The following XKR9 variants were observed in gnomAD, a reference collection of about 807,000 sequenced individuals.
The protein encoded by XKR9 is XK related 9.
Under a neutral mutation model 32.0 loss-of-function variants are expected in XKR9, and 32 were observed. The ratio of observed to expected loss-of-function variants is 1.00; its 90% confidence interval spans 0.76 to 1.34. XKR9 has a LOEUF of 1.34. XKR9 is among the 40% of genes most tolerant of loss of function. The pLI is 0.00. For synonymous variants in XKR9, 168 were observed against 143.4 expected (o/e 1.17, Z -1.22); for missense variants, 546 against 429.7 (o/e 1.27, Z -2.39).
chr8:71,047,335 T>C, the XKR9 span, among the ~76,000 whole-genome samples: 1 of 152,222 alleles, frequency 6.6e-6, no homozygotes, highest in South Asian at 2.1e-4. Context: ...TATTCCTTAT[T>C]TGCACTCTCT....
the XKR9 span, among the ~76,000 whole-genome samples, chr8:71,041,151 T>C: frequency 6.6e-6 from 1 of 152,148 alleles, no homozygotes; most frequent in Non-Finnish European, 1.5e-5. Context: ...GTTGCTGATA[T>C]CAAGACAACC....
the XKR9 span, among the ~76,000 whole-genome samples, chr8:70,879,696 A>C: frequency 6.6e-6 from 1 of 152,146 alleles, no homozygotes; most frequent in South Asian, 2.1e-4. Flanking sequence ...AAAGCGCAGG[A>C]CCAGATGGAT....
chr8:71,041,045 A>T, the XKR9 span, among the ~76,000 whole-genome samples: 3 of 152,152 alleles, frequency 2.0e-5, no homozygotes, highest in African/African-American at 7.2e-5. Flanking sequence ...CAGTAACAGG[A>T]TATGTTAAAA....
At chr8:70,769,511 G>T (rs1416668592) in intron 2 of XKR9, among the ~76,000 whole-genome samples, 1 of 151,998 alleles carries the variant, frequency 6.6e-6, no homozygotes, top group East Asian at 1.9e-4. Flanking sequence ...AAGTTCTCCT[G>T]GATAATATCC....
the XKR9 span, among the ~76,000 whole-genome samples, chr8:70,834,373 T>A: frequency 6.6e-6 from 1 of 152,128 alleles, no homozygotes; most frequent in Non-Finnish European, 1.5e-5. Flanking sequence ...TGTTTCCATT[T>A]ATTTTAATAT....
intron 2 of XKR9, among the ~76,000 whole-genome samples, chr8:70,788,417 C>T (rs1022638526): frequency 6.6e-6 from 1 of 152,036 alleles, no homozygotes; most frequent in African/African-American, 2.4e-5. Flanking sequence ...ATGGTTGCTA[C>T]CGTTGGGCAG....
the XKR9 span, among the ~76,000 whole-genome samples, chr8:71,033,068 G>A: frequency 6.8e-6 from 1 of 148,000 alleles, no homozygotes; most frequent in Admixed American, 6.7e-5. Context: ...TAGGGACAGG[G>A]CAAGATTACA....
the XKR9 span, among the ~76,000 whole-genome samples, chr8:71,031,525 CAT>C: frequency 6.6e-6 from 1 of 152,152 alleles, no homozygotes; most frequent in Non-Finnish European, 1.5e-5. Flanking sequence ...GAGGATAACT[CAT>C]AAGACTGTTA....
At chr8:70,948,106 C>A in the XKR9 span, among the ~76,000 whole-genome samples, 1 of 152,118 alleles carries the variant, frequency 6.6e-6, no homozygotes, top group Non-Finnish European at 1.5e-5. Flanking sequence ...TGCCCACCCC[C>A]ACCCTGCCCC....
the XKR9 span, among the ~76,000 whole-genome samples, chr8:70,888,002 A>G: frequency 1.3e-5 from 2 of 151,974 alleles, no homozygotes; most frequent in Non-Finnish European, 2.9e-5. Context: ...GTCTTTTGCT[A>G]GTTTTCAAAG....
At chr8:70,875,882 T>C in the XKR9 span, among the ~76,000 whole-genome samples, 6 of 152,172 alleles carry the variant, frequency 3.9e-5, no homozygotes, top group East Asian at 5.8e-4. Flanking sequence ...AAAACTCTTA[T>C]GGGGTTGATA....
chr8:70,691,834 A>C (rs1563425649), intron 3 of XKR9, among the ~76,000 whole-genome samples: 1 of 152,098 alleles, frequency 6.6e-6, no homozygotes, highest in Non-Finnish European at 1.5e-5. Flanking sequence ...TATAGTTTGG[A>C]GTCGAATAAC....
the XKR9 span, among the ~76,000 whole-genome samples, chr8:70,837,296 ATGAATGTT>A: frequency 3.9e-5 from 6 of 152,112 alleles, no homozygotes; most frequent in African/African-American, 1.4e-4. Context: ...CAAGTGCTCA[ATGAATGTT>A]TGATGACTAG....
At chr8:70,812,493 A>G in the XKR9 span, among the ~76,000 whole-genome samples, 3 of 152,202 alleles carry the variant, frequency 2.0e-5, no homozygotes, top group African/African-American at 7.2e-5. Context: ...GAAAAGAGGA[A>G]GTCAAATTGT....
the XKR9 span, among the ~76,000 whole-genome samples, chr8:70,906,817 T>C: frequency 2.6e-5 from 4 of 152,146 alleles, no homozygotes; most frequent in African/African-American, 9.7e-5. Flanking sequence ...ACAATAAATA[T>C]GTAAAAAATT....
At chr8:70,716,574 C>T (rs1047635916) in intron 4 of XKR9, among the ~76,000 whole-genome samples, 2 of 152,048 alleles carry the variant, frequency 1.3e-5, no homozygotes, top group East Asian at 1.9e-4. Context: ...CCTACTATCA[C>T]GAGAACAACA....
At chr8:70,938,864 A>G in the XKR9 span, among the ~76,000 whole-genome samples, 1 of 151,994 alleles carries the variant, frequency 6.6e-6, no homozygotes, top group Non-Finnish European at 1.5e-5. Flanking sequence ...GGCTAGGGGT[A>G]TAGATCAACC....
intron 3 of XKR9, among the ~76,000 whole-genome samples, chr8:70,697,336 T>C (rs1805319278): frequency 6.6e-6 from 1 of 151,312 alleles, no homozygotes; most frequent in Non-Finnish European, 1.5e-5. Flanking sequence ...TAGATAGCTC[T>C]TATTATTTTG....
chr8:70,855,678 G>T, the XKR9 span, among the ~76,000 whole-genome samples: 1 of 152,234 alleles, frequency 6.6e-6, no homozygotes. Flanking sequence ...ATAATTGTCA[G>T]ATTCACCAAA....
Sources: allele counts gnomAD v4.1 joint callset (sites outside exome capture counted in the v4.1 genomes callset), GRCh38; gene constraint gnomAD v4.1.1; transcripts MANE v1.5; gene names NCBI Gene and HGNC (gene_info 2026-07-23, HGNC 2026-07-21).